The following CCDC126 variants were observed in gnomAD, a reference collection of about 807,000 sequenced individuals.
CCDC126 encodes the protein coiled-coil domain-containing protein 126.
A neutral mutation model predicts 11.7 loss-of-function variants in CCDC126; 5 were observed. That is an observed-to-expected ratio of 0.43 (90% confidence interval 0.22 to 0.90). CCDC126 has a LOEUF of 0.90. CCDC126 is among the 40% of genes least tolerant of loss of function. The pLI, the probability that CCDC126 is intolerant of heterozygous loss-of-function variation, is 0.27. For missense variants in CCDC126, 150 were observed against 163.1 expected (o/e 0.92, Z 0.44); for synonymous variants, 60 against 61.9 (o/e 0.97, Z 0.14).
At chr7:23,628,240 G>A (rs1306951143) in intron 3 of CCDC126, among the ~76,000 whole-genome samples, 1 of 152,054 alleles carries the variant, frequency 6.6e-6, no homozygotes. Context: ...AAAAGCCTTG[G>A]ACATTTTATA....
chr7:23,637,011 C>T (rs1198981887), intron 3 of CCDC126, among the ~76,000 whole-genome samples: 1 of 66,668 alleles, frequency 1.5e-5, no homozygotes, highest in Non-Finnish European at 3.1e-5. Context: ...CCAGCCGCCC[C>T]GTCCGGGAAG....
chr7:23,607,665 G>A (rs936758089), intron 2 of CCDC126, among the ~76,000 whole-genome samples: 3 of 152,014 alleles, frequency 2.0e-5, no homozygotes, highest in Non-Finnish European at 2.9e-5. Context: ...TATTGGCCCC[G>A]GAGAATAAAG....
intron 3 of CCDC126, among the ~76,000 whole-genome samples, chr7:23,634,184 G>A (rs1395239376): frequency 5.3e-5 from 8 of 152,188 alleles, no homozygotes; most frequent in Non-Finnish European, 7.3e-5. Flanking sequence ...GATGGCTCAC[G>A]CCTGTAATCC....
At chr7:23,622,086 C>T (rs1205762710) in intron 3 of CCDC126, among the ~76,000 whole-genome samples, 1 of 152,154 alleles carries the variant, frequency 6.6e-6, no homozygotes, top group Non-Finnish European at 1.5e-5. Context: ...CAGGATGATG[C>T]TGGCCTCATA....
At chr7:23,602,400 T>G (rs1055177998) in intron 2 of CCDC126, among the ~76,000 whole-genome samples, 15 of 152,234 alleles carry the variant, frequency 9.9e-5, no homozygotes, top group African/African-American at 4.8e-5. Context: ...CCAATAAGAA[T>G]ATATTTTTCT....
At chr7:23,602,839 G>C (rs1441499667) in intron 2 of CCDC126, among the ~76,000 whole-genome samples, 1 of 150,938 alleles carries the variant, frequency 6.6e-6, no homozygotes, top group Non-Finnish European at 1.5e-5. Flanking sequence ...GAGATAACTT[G>C]TTTGTTTGCT....
chr7:23,627,411 G>T (rs184220430), intron 3 of CCDC126, among the ~76,000 whole-genome samples: 7 of 151,888 alleles, frequency 4.6e-5, no homozygotes, highest in Admixed American at 1.3e-4. Flanking sequence ...AGGCCCAGGT[G>T]GGTGGATCAC....
intron 3 of CCDC126, among the ~76,000 whole-genome samples, chr7:23,633,894 A>G (rs932163352): frequency 1.3e-5 from 2 of 152,210 alleles, no homozygotes; most frequent in Admixed American, 6.5e-5. Context: ...GTGATTTCTA[A>G]ATTTTCTTGC....
At chr7:23,640,459 T>C (rs975322639) in intron 3 of CCDC126, among the ~76,000 whole-genome samples, 3 of 152,072 alleles carry the variant, frequency 2.0e-5, no homozygotes, top group East Asian at 1.9e-4. Context: ...ATCGCGCCAT[T>C]GCACTCCAGC....
intron 3 of CCDC126, among the ~76,000 whole-genome samples, chr7:23,632,656 T>C (rs1783135442): frequency 6.6e-6 from 1 of 152,216 alleles, no homozygotes; most frequent in East Asian, 1.9e-4. Context: ...GGAATTTTTG[T>C]ATTTATTATT....
At chr7:23,619,863 A>G (rs1782860418) in intron 3 of CCDC126, among the ~76,000 whole-genome samples, 1 of 151,518 alleles carries the variant, frequency 6.6e-6, no homozygotes. Context: ...TAGTTTGCTG[A>G]GAATGATGGT....
intron 3 of CCDC126, among the ~76,000 whole-genome samples, chr7:23,630,236 C>T (rs566921535): frequency 2.3e-4 from 35 of 152,110 alleles, no homozygotes; most frequent in Non-Finnish European, 4.0e-4. Flanking sequence ...TGGTGGCTCT[C>T]GCCTGTAATC....
At chr7:23,607,793 A>G (rs145301487) in intron 2 of CCDC126, among the ~76,000 whole-genome samples, 2 of 152,150 alleles carry the variant, frequency 1.3e-5, no homozygotes, top group Non-Finnish European at 2.9e-5. Context: ...CCTATTTTCA[A>G]TCCCCTTCAC....
intron 3 of CCDC126, among the ~76,000 whole-genome samples, chr7:23,623,670 A>G (rs193028104): frequency 1.7e-4 from 26 of 152,088 alleles, no homozygotes; most frequent in Middle Eastern, 6.8e-3. Flanking sequence ...TTTATACTTT[A>G]TTGAGTTCTG....
At chr7:23,623,333 C>A (rs1782956243) in intron 3 of CCDC126, among the ~76,000 whole-genome samples, 1 of 152,002 alleles carries the variant, frequency 6.6e-6, no homozygotes, top group Non-Finnish European at 1.5e-5. Flanking sequence ...CATGGTGGCT[C>A]ATGCCTGTGG....
At chr7:23,609,309 T>C (rs1782668922) in intron 2 of CCDC126, among the ~76,000 whole-genome samples, 1 of 151,760 alleles carries the variant, frequency 6.6e-6, no homozygotes, top group Non-Finnish European at 1.5e-5. Flanking sequence ...TCAGCCTCCC[T>C]AGTAGCTGGG....
chr7:23,613,556 A>G (rs924859933), intron 3 of CCDC126, among the ~76,000 whole-genome samples: 2 of 152,192 alleles, frequency 1.3e-5, no homozygotes, highest in African/African-American at 4.8e-5. Context: ...TCATTAAGCA[A>G]GGTGAGAGTT....
In CCDC126 at chr7:23,644,565, G is replaced by C. The variant is rs980514092; in HGVS notation, c.*1450G>C. Reference sequence around the variant, plus strand: ...AAATCTCTCTTCTCTTCTCTGTACTGTCTACCTTTATGTGAAGAAATTAAT... The same window carrying C: ...AAATCTCTCTTCTCTTCTCTGTACTCTCTACCTTTATGTGAAGAAATTAAT... On this transcript the variant is annotated 3_prime_UTR_variant, in exon 4 of 4. Transcript: ENST00000307471. The C allele has an allele frequency of 6.6e-6, 1 of 152,426 alleles. No homozygotes were observed. Among genetic ancestry groups the C allele is most frequent in the African/African-American group, 2.4e-5 (1 of 41,408 alleles). 9.4% of individuals were successfully genotyped at this position (152,426 alleles called of 1,614,324 possible).
At chr7:23,634,958 C>G (rs1475763606) in intron 3 of CCDC126, among the ~76,000 whole-genome samples, 1 of 152,138 alleles carries the variant, frequency 6.6e-6, no homozygotes, top group Admixed American at 6.5e-5. Flanking sequence ...TAGTTAGAAT[C>G]TTTTTATACC....
Sources: gnomAD v4.1 joint callset for allele counts (sites outside exome capture counted in the v4.1 genomes callset) on GRCh38, gnomAD v4.1.1 for gene constraint, MANE v1.5 for transcripts, NCBI Gene and HGNC (gene_info 2026-07-23, HGNC 2026-07-21) for gene names.